The following CRTC1 variants were observed in gnomAD, a reference collection of about 807,000 sequenced individuals.
CRTC1 encodes CREB-regulated transcription coactivator 1.
In CRTC1, 18 loss-of-function variants were observed where a neutral mutation model predicts 66.1. The ratio of observed to expected loss-of-function variants is 0.27; its 90% CI spans 0.19 to 0.40. The LOEUF is 0.40. CRTC1 is among the 10% of genes least tolerant of loss of function. CRTC1 has a pLI of 1.00. For missense variants in CRTC1, 669 were observed against 887.9 expected (o/e 0.75, Z 3.13); for synonymous variants, 416 against 398.8 (o/e 1.04, Z -0.51).
At chr19:18,699,130 C>A (rs1278644567) in intron 1 of CRTC1, among the ~76,000 whole-genome samples, 1 of 152,202 alleles carries the variant, frequency 6.6e-6, no homozygotes, top group Non-Finnish European at 1.5e-5. Flanking sequence ...GCTCTGGAAT[C>A]TGACCTCCCT....
chr19:18,691,311 T>G (rs191050703), intron 1 of CRTC1, among the ~76,000 whole-genome samples: 1 of 147,892 alleles, frequency 6.8e-6, no homozygotes, highest in East Asian at 2.0e-4. Context: ...AAGCCAGGAG[T>G]TTGAGACCAG....
intron 1 of CRTC1, among the ~76,000 whole-genome samples, chr19:18,710,339 T>C (rs1042855448): frequency 6.6e-6 from 1 of 152,082 alleles, no homozygotes; most frequent in African/African-American, 2.4e-5. Context: ...TTCCTCGACG[T>C]CCCTCCCTGG....
At chr19:18,730,743 G>T (rs1446735225) in intron 1 of CRTC1, among the ~76,000 whole-genome samples, 4 of 152,070 alleles carry the variant, frequency 2.6e-5, no homozygotes, top group Non-Finnish European at 4.4e-5. Context: ...GCCCCCTCTG[G>T]GCCCTTATTG....
chr19:18,744,076 C>T (rs1242531632), intron 2 of CRTC1: 3 of 1,611,752 alleles, frequency 1.9e-6, no homozygotes, highest in Non-Finnish European at 1.7e-6. Context: ...AAGGCAGCAG[C>T]GTCTCAAAGT....
intron 8 of CRTC1, among the ~76,000 whole-genome samples, chr19:18,764,773 G>A (rs1432383264): frequency 2.0e-5 from 3 of 152,182 alleles, no homozygotes; most frequent in Admixed American, 1.3e-4. Context: ...GGACATAGGG[G>A]ATAGCAGGTG....
At chr19:18,737,858 T>C (rs2054033151) in intron 1 of CRTC1, among the ~76,000 whole-genome samples, 1 of 152,128 alleles carries the variant, frequency 6.6e-6, no homozygotes, top group Non-Finnish European at 1.5e-5. Context: ...ATAGCAAACA[T>C]TTTCTCTTCC....
intron 9 of CRTC1, among the ~76,000 whole-genome samples, chr19:18,766,287 A>ATTT (rs1020411277): frequency 2.7e-3 from 300 of 109,632 alleles, no homozygotes; most frequent in South Asian, 7.2e-3. Context: ...TGCCTGGCTA[A>ATTT]TTTTTTTTTT....
intron 1 of CRTC1, among the ~76,000 whole-genome samples, chr19:18,728,558 G>C (rs539517382): frequency 6.6e-6 from 1 of 151,082 alleles, no homozygotes; most frequent in Non-Finnish European, 1.5e-5. Flanking sequence ...CCCAGGCTGG[G>C]GTGCAATAGT....
At chr19:18,759,860 G>C (rs1439875583) in intron 7 of CRTC1, 148 bp from the exon 8 acceptor site, 150 of 744,496 alleles carry the variant, frequency 2.0e-4, no homozygotes, top group Non-Finnish European at 3.1e-4. Flanking sequence ...TCTCAGCCTG[G>C]TGCCAGCCAA....
At chr19:18,749,683 T>G in intron 4 of CRTC1, 98 bp from the exon 5 acceptor site, 1 of 983,660 alleles carries the variant, frequency 1.0e-6, no homozygotes, top group Non-Finnish European at 1.6e-6. Context: ...GATCCACAGC[T>G]GCCACCCTGT....
intron 1 of CRTC1, among the ~76,000 whole-genome samples, chr19:18,730,882 A>AT (rs2053872004): frequency 1.3e-5 from 2 of 152,052 alleles, no homozygotes; most frequent in Admixed American, 6.6e-5. Flanking sequence ...GTTGAGTCCC[A>AT]TGTCCAGAGG....
intron 1 of CRTC1, among the ~76,000 whole-genome samples, chr19:18,719,776 G>A (rs927749634): frequency 6.6e-6 from 1 of 152,268 alleles, no homozygotes; most frequent in African/African-American, 2.4e-5. Context: ...GCTGACCCGG[G>A]GCGAGCAGGG....
At chr19:18,759,360 C>T (rs899063980) in intron 6 of CRTC1, among the ~76,000 whole-genome samples, 191 bp from the exon 7 acceptor site, 60 of 152,350 alleles carry the variant, frequency 3.9e-4, no homozygotes, top group African/African-American at 1.4e-3. Flanking sequence ...ATGTCTGGGG[C>T]CCGCCCCTCC....
intron 1 of CRTC1, among the ~76,000 whole-genome samples, chr19:18,694,698 A>G (rs569587381): frequency 8.8e-4 from 134 of 152,256 alleles, no homozygotes; most frequent in African/African-American, 3.1e-3. Context: ...GGCCTCCCAG[A>G]GTGTTGGGAT....
intron 11 of CRTC1, among the ~76,000 whole-genome samples, chr19:18,773,679 G>A (rs1419388816): frequency 6.6e-6 from 1 of 152,162 alleles, no homozygotes; most frequent in Non-Finnish European, 1.5e-5. Context: ...TTGATTTTTA[G>A]GGCCAAGATA....
At chr19:18,744,688 T>TG (rs1383968137) in intron 2 of CRTC1, among the ~76,000 whole-genome samples, 1 of 152,210 alleles carries the variant, frequency 6.6e-6, no homozygotes, top group African/African-American at 2.4e-5. Context: ...CTGAGGAGCC[T>TG]GTGCACTGGA....
At chr19:18,736,472 C>G (rs1388573606) in intron 1 of CRTC1, among the ~76,000 whole-genome samples, 1 of 152,032 alleles carries the variant, frequency 6.6e-6, no homozygotes, top group East Asian at 1.9e-4. Context: ...AGTCTCTGTG[C>G]TTTCTTGAGC....
rs927776494 is a variant in CRTC1 at position 18,760,519 on chromosome 19, G to A, written c.886+291G>A. 2.6e-5 allele frequency among the ~76,000 whole-genome samples: 4 copies of A among 151,908 alleles called. No homozygotes were observed. Among genetic ancestry groups the A allele is most frequent in the African/African-American group, 9.7e-5 (4 of 41,344 alleles). ...GGAGGGAAGCCCTGGGAGTTTTAAC[G>A]CAGCTGGGGTGGGCCAGGCCTTCCC... On this transcript the variant is annotated intron_variant, in intron 8 of 13. Coordinates refer to ENST00000321949, the MANE Select transcript of CRTC1 (RefSeq NM_015321.3). This position sits in a 1 kb window ranked among gnomAD's most constrained non-coding sequence, Gnocchi z 6.2.
chr19:18,745,756 C>G, intron 2 of CRTC1, 67 bp from the exon 3 acceptor site: 1 of 1,601,742 alleles, frequency 6.2e-7, no homozygotes. Flanking sequence ...GGGGCCAGCG[C>G]TGGGGCCACA....
Sources: allele counts gnomAD v4.1 joint callset (sites outside exome capture counted in the v4.1 genomes callset), GRCh38; gene constraint gnomAD v4.1.1; non-coding constraint Gnocchi (gnomAD v3.1); transcripts MANE v1.5; gene names NCBI Gene and HGNC (gene_info 2026-07-23, HGNC 2026-07-21).